The following TMEFF2 variants were observed in gnomAD, a reference collection of about 807,000 sequenced individuals.
TMEFF2 encodes tomoregulin-2.
TMEFF2 carries 28 observed loss-of-function variants against 53.8 expected under a neutral mutation model. That is an observed-to-expected ratio of 0.52 (90% CI 0.39 to 0.71). TMEFF2 has a LOEUF of 0.71. Ranked by LOEUF, TMEFF2 falls within the 30% of genes least tolerant of loss-of-function variation. The probability of loss-of-function intolerance (pLI) is 0.00; values close to 1 mark genes in which losing one functional copy is unlikely to be tolerated. For synonymous variants in TMEFF2, 162 were observed against 166.3 expected, an observed-to-expected ratio of 0.97 and a Z score of 0.20; for missense variants, 353 against 455.2, an observed-to-expected ratio of 0.78 and a Z score of 2.04.
intron 4 of TMEFF2, among the ~76,000 whole-genome samples, chr2:192,170,745 A>C (rs16834268): frequency 0.077 from 11,785 of 152,106 alleles, 577 homozygotes; most frequent in South Asian, 0.11. Context: ...TCAGAGAGAG[A>C]TCAGCAAGGA....
chr2:192,183,145 A>T (rs1691227614), intron 3 of TMEFF2, among the ~76,000 whole-genome samples: 1 of 152,066 alleles, frequency 6.6e-6, no homozygotes. Flanking sequence ...ATCCCTTAGG[A>T]GAAAAGACTA....
At chr2:192,072,447 A>AT (rs560742129) in intron 4 of TMEFF2, among the ~76,000 whole-genome samples, 328 of 151,850 alleles carry the variant, frequency 2.2e-3, no homozygotes, top group African/African-American at 7.0e-3. Context: ...AAAGCAACAC[A>AT]TTTTTTTTCT....
At chr2:192,048,049 G>A (rs1687666083) in intron 5 of TMEFF2, among the ~76,000 whole-genome samples, 1 of 152,130 alleles carries the variant, frequency 6.6e-6, no homozygotes, top group Admixed American at 6.5e-5. Context: ...TTAACATACT[G>A]TCTAATCTCT....
chr2:191,997,120 C>T (rs2105833332), intron 7 of TMEFF2, among the ~76,000 whole-genome samples: 1 of 151,980 alleles, frequency 6.6e-6, no homozygotes, highest in African/African-American at 2.4e-5. Flanking sequence ...TTTCAAGGAA[C>T]ATCTGTAAAT....
At chr2:192,119,800 T>C (rs1241067463) in intron 4 of TMEFF2, among the ~76,000 whole-genome samples, 1 of 152,196 alleles carries the variant, frequency 6.6e-6, no homozygotes, top group African/African-American at 2.4e-5. Flanking sequence ...TTGACAGCAG[T>C]GTAGTTTTCA....
At chr2:191,954,839 A>G (rs982638287) in intron 8 of TMEFF2, among the ~76,000 whole-genome samples, 1 of 152,214 alleles carries the variant, frequency 6.6e-6, no homozygotes, top group Non-Finnish European at 1.5e-5. Flanking sequence ...TAGGAAAATT[A>G]GCATGTGTCA....
chr2:192,104,323 T>C (rs1051182000), intron 4 of TMEFF2, among the ~76,000 whole-genome samples: 23 of 152,058 alleles, frequency 1.5e-4, no homozygotes, highest in Non-Finnish European at 2.9e-4. Flanking sequence ...ATATGGTGGG[T>C]GAAATTTTAG....
intron 4 of TMEFF2, among the ~76,000 whole-genome samples, chr2:192,136,103 C>T (rs1182313217): frequency 5.3e-5 from 8 of 152,200 alleles, no homozygotes; most frequent in African/African-American, 9.6e-5. Context: ...CACACAGACG[C>T]GCATGAAAGA....
chr2:192,020,545 A>G (rs1686836892), intron 5 of TMEFF2, among the ~76,000 whole-genome samples: 1 of 152,198 alleles, frequency 6.6e-6, no homozygotes, highest in South Asian at 2.1e-4. Flanking sequence ...AGGAGTAAGT[A>G]TGATGATTAT....
intron 4 of TMEFF2, among the ~76,000 whole-genome samples, chr2:192,127,972 T>C (rs1008227372): frequency 6.6e-6 from 1 of 152,196 alleles, no homozygotes; most frequent in African/African-American, 2.4e-5. Context: ...TGGGCTCTTT[T>C]GTAGCTTTTC....
chr2:192,153,660 C>T (rs529542125), intron 4 of TMEFF2, among the ~76,000 whole-genome samples: 3 of 151,842 alleles, frequency 2.0e-5, no homozygotes, highest in Non-Finnish European at 4.4e-5. Context: ...TCTTATATTT[C>T]CTGGGGCAGA....
At position 191,949,959 on chromosome 2, in the gene TMEFF2, A is replaced by C. The variant is rs1691819532; in HGVS notation, c.*352T>G. On this transcript the variant is annotated 3_prime_UTR_variant, in exon 10 of 10. Transcript: ENST00000272771. Reference sequence around the variant, plus strand: ...ACATGAAATATTGGTAGCTGTACAGATTGTACTAGTCTGATTATATTTACA... The same window carrying C: ...ACATGAAATATTGGTAGCTGTACAGCTTGTACTAGTCTGATTATATTTACA... The C allele has an allele frequency of 9.6e-7, 1 of 1,043,828 alleles. No individual in the cohort carries two copies. The highest frequency in any genetic ancestry group is 1.2e-6 in the Non-Finnish European group (1 of 866,186). 64.7% of individuals were successfully genotyped at this position (1,043,828 alleles called of 1,614,324 possible).
intron 2 of TMEFF2, among the ~76,000 whole-genome samples, chr2:192,188,180 T>C (rs1691361952): frequency 6.6e-6 from 1 of 152,204 alleles, no homozygotes; most frequent in South Asian, 2.1e-4. Flanking sequence ...TTATATTTCC[T>C]TAAATGTAAA....
chr2:191,991,141 G>A (rs1052354399), intron 7 of TMEFF2, among the ~76,000 whole-genome samples: 2 of 152,030 alleles, frequency 1.3e-5, no homozygotes, highest in Non-Finnish European at 2.9e-5. Flanking sequence ...ATATTTAGAC[G>A]TGTTAATGTG....
intron 5 of TMEFF2, among the ~76,000 whole-genome samples, chr2:192,053,293 A>G (rs1687818888): frequency 6.6e-6 from 1 of 152,156 alleles, no homozygotes; most frequent in Non-Finnish European, 1.5e-5. Context: ...TCTGAACTCA[A>G]AAACTCATCT....
intron 5 of TMEFF2, among the ~76,000 whole-genome samples, chr2:192,003,915 T>TG (rs1686428780): frequency 4.9e-5 from 2 of 40,586 alleles, no homozygotes; most frequent in Non-Finnish European, 1.5e-4. Flanking sequence ...GTGAAAAAAT[T>TG]TGTGTGTGTG....
At chr2:192,077,864 A>C (rs1688469022) in intron 4 of TMEFF2, among the ~76,000 whole-genome samples, 1 of 151,990 alleles carries the variant, frequency 6.6e-6, no homozygotes, top group Non-Finnish European at 1.5e-5. Context: ...GACTTAACAA[A>C]ACTTCTATGT....
chr2:192,035,278 G>T (rs1423646313), intron 5 of TMEFF2: 2 of 152,166 alleles, frequency 1.3e-5, no homozygotes, highest in Non-Finnish European at 2.9e-5. Context: ...AAAGTTTGCA[G>T]AGTTTTGTAT....
At position 192,070,426 on chromosome 2, in the gene TMEFF2, G is replaced by A. The variant is rs1289539027; in HGVS notation, c.440-12651C>T. 2.6e-5 allele frequency among the ~76,000 whole-genome samples: 4 copies of A among 151,878 alleles called. No individual in the cohort carries two copies. In the East Asian group the frequency reaches 7.8e-4, roughly 29 times the overall value. ...TATTTCTAATAACTATGAAATACAG[G>A]TTAATAAACAATTTTGAATGACTTC... is the stretch of plus-strand genomic sequence containing the variant. On this transcript the variant is annotated intron_variant, in intron 4 of 9. Transcript: ENST00000272771.
Sources: allele counts gnomAD v4.1 joint callset (sites outside exome capture counted in the v4.1 genomes callset), GRCh38; gene constraint gnomAD v4.1.1; transcripts MANE v1.5; gene names NCBI Gene and HGNC (gene_info 2026-07-23, HGNC 2026-07-21).